NSMAF: variants seen among roughly 807,000 people sequenced by gnomAD.
NSMAF encodes neutral sphingomyelinase activation associated factor.
NSMAF carries 90 observed loss-of-function variants against 134.9 expected under a neutral mutation model. That is an observed-to-expected ratio of 0.67 (90% CI 0.56 to 0.79). NSMAF has a LOEUF of 0.79. Among genes scored for constraint, NSMAF ranks in the 30% least tolerant of loss-of-function variants. NSMAF has a pLI of 0.00. For synonymous variants in NSMAF, 358 were observed against 389.6 expected (o/e 0.92, Z 0.96); for missense variants, 1,010 against 1,119.0 (o/e 0.90, Z 1.39).
chr8:58,647,542 G>C (rs73240235), intron 1 of NSMAF, among the ~76,000 whole-genome samples: 9,215 of 152,132 alleles, frequency 0.061, 696 homozygotes, highest in African/African-American at 0.18. Context: ...TTGGATCATG[G>C]GGGTAGATCC....
intron 12 of NSMAF, among the ~76,000 whole-genome samples, 155 bp downstream of exon 12, chr8:58,605,772 C>T (rs538412343): frequency 7.3e-5 from 11 of 150,622 alleles, no homozygotes; most frequent in South Asian, 2.1e-4. Context: ...CCCAGCTACT[C>T]GGGAGGCTGA....
chr8:58,642,932 T>A (rs1191861121), intron 2 of NSMAF, 52 bp downstream of exon 2: 75 of 1,319,590 alleles, frequency 5.7e-5, no homozygotes, highest in Non-Finnish European at 7.9e-5. Flanking sequence ...ACTTTAAAAG[T>A]TCAGATATCA....
rs945586557 is a variant in NSMAF, at chr8:58,630,878, C to T, written c.384+618G>A. Among the ~76,000 whole-genome samples, 3 of 152,172 alleles carry T rather than the reference C, an allele frequency of 2.0e-5. No individual in the cohort carries two copies. In the South Asian group the frequency reaches 6.2e-4, roughly 32 times the overall value. On this transcript the variant is annotated intron_variant, in intron 6 of 30. Coordinates refer to ENST00000038176, the MANE Select transcript of NSMAF (RefSeq NM_003580.4). ...CCACAAATGGTGGCTTTTCCTAATTCACTCGGATGTCATTATAAGGAGCAC... is the reference window on the plus strand; with the variant it reads ...CCACAAATGGTGGCTTTTCCTAATTTACTCGGATGTCATTATAAGGAGCAC...
At chr8:58,605,722 C>CA (rs905286436) in intron 12 of NSMAF, among the ~76,000 whole-genome samples, 100 of 151,042 alleles carry the variant, frequency 6.6e-4, no homozygotes, top group African/African-American at 2.2e-3. Flanking sequence ...ACTAAAAATA[C>CA]AAAAAAAATT....
In NSMAF at chr8:58,635,302, T is replaced by C. The variant is rs1807145203; in HGVS notation, c.296+3A>G. On this transcript the variant is annotated splice_donor_region_variant and intron_variant, in intron 4 of 30. Coordinates refer to ENST00000038176, the MANE Select transcript of NSMAF (RefSeq NM_003580.4). The stretch of plus-strand genomic sequence containing the variant: ...AAATTAAACAGTGGTGAAAATGACA[T>C]ACTTTGTGAAGTGTCTATTGGCTCC... The C allele has an allele frequency of 1.9e-6, 3 of 1,610,814 alleles. No homozygotes were observed. The highest frequency in any genetic ancestry group is 2.5e-6 in the Non-Finnish European group (3 of 1,178,340).
At chr8:58,605,672 G>T (rs1806388693) in intron 12 of NSMAF, among the ~76,000 whole-genome samples, 1 of 151,860 alleles carries the variant, frequency 6.6e-6, no homozygotes, top group African/African-American at 2.4e-5. Context: ...CAGATCCTTA[G>T]GAGTTGAACT....
Position 58,599,293 on chromosome 8 carries a change from C to G in NSMAF, c.1524G>C (p.Glu508Asp), listed in dbSNP as rs1806217618. The change falls in exon 19 of 31, where the codon GAG (glutamate) becomes GAC (aspartate). Residue 508 changes from glutamate (E) to aspartate (D), a missense_variant. By Grantham distance (45) the Glu-to-Asp change is conservative (BLOSUM62 2). Coordinates refer to ENST00000038176, the MANE Select transcript of NSMAF (RefSeq NM_003580.4). ...ESNYVSEHLH[E>D]WIDLIFGYKQ... The stretch of plus-strand genomic sequence containing the variant: ...TGTAGCCAAATATTAGATCAATCCA[C>G]TCGTGAAGGTGTTCAGACACATAAT... 1.2e-6 allele frequency: 2 copies of G among 1,614,004 alleles called. No homozygotes were observed. Among genetic ancestry groups the G allele is most frequent in the South Asian group, 2.2e-5 (2 of 91,080 alleles).
chr8:58,603,292 G>A lies in NSMAF; in HGVS notation c.963C>T (p.Asn321=). 6.2e-7 allele frequency: 1 copy of A among 1,614,214 alleles called. No homozygotes were observed. The highest frequency in any genetic ancestry group is 8.5e-7 in the Non-Finnish European group (1 of 1,180,042). ...SNYQYLLHLN[N]LADRSCNDLS... ...GGTCGTTGCAGCTGCGGTCGGCCAG[G>A]TTGTTGAGGTGAAGGAGGTACTGAT... Residue 321 remains asparagine (N), a synonymous_variant, in exon 13 of 31, where the codon AAC becomes AAT. Transcript: ENST00000038176.
At chr8:58,651,070 C>T (rs557653284) in intron 1 of NSMAF, among the ~76,000 whole-genome samples, 1 of 152,310 alleles carries the variant, frequency 6.6e-6, no homozygotes, top group South Asian at 2.1e-4. Context: ...ACATTCAGAG[C>T]CCACTGCCTC....
At position 58,607,048 on chromosome 8, in the gene NSMAF, A is replaced by C. The variant is rs936187849; in HGVS notation, c.759+721T>G. ...GCCTTTTAAGTAAAATAGGAAGCAA[A>C]ACAGTAGAATTTCACAAATTAAAAG... On this transcript the variant is annotated intron_variant, in intron 11 of 30. Transcript: ENST00000038176. 2.6e-5 allele frequency among the ~76,000 whole-genome samples: 4 copies of C among 152,328 alleles called. No homozygotes were observed. In the East Asian group the frequency reaches 7.7e-4, roughly 29 times the overall value.
chr8:58,597,816 T>G, intron 20 of NSMAF, 44 bp downstream of exon 20: 1 of 1,302,598 alleles, frequency 7.7e-7, no homozygotes, highest in Non-Finnish European at 1.1e-6. Flanking sequence ...GATAAAGACA[T>G]ATCTTATAAC....
intron 6 of NSMAF, among the ~76,000 whole-genome samples, chr8:58,627,027 T>C (rs756068813): frequency 1.4e-4 from 22 of 152,216 alleles, no homozygotes; most frequent in Admixed American, 5.9e-4. Context: ...TGTCTATTCA[T>C]GTTCTTTGCC....
At chr8:58,603,531 C>T in intron 12 of NSMAF, 145 bp from the exon 13 acceptor site, 1 of 691,544 alleles carries the variant, frequency 1.4e-6, no homozygotes, top group Non-Finnish European at 2.4e-6. Context: ...GACTTGTTTT[C>T]ATAAAGTATT....
chr8:58,599,648 T>C, intron 18 of NSMAF, 102 bp downstream of exon 18: 1 of 1,318,400 alleles, frequency 7.6e-7, no homozygotes, highest in Non-Finnish European at 1.1e-6. Flanking sequence ...ATTTAGAGAA[T>C]TATATTGTGA....
intron 13 of NSMAF, 88 bp from the exon 14 acceptor site, chr8:58,602,225 CA>C: frequency 9.6e-7 from 1 of 1,040,796 alleles, no homozygotes; most frequent in South Asian, 1.6e-5. Flanking sequence ...TTTACTTCCA[CA>C]AAAGTTTTTT....
chr8:58,655,264 A>C (rs1449471976), intron 1 of NSMAF, among the ~76,000 whole-genome samples: 2 of 152,210 alleles, frequency 1.3e-5, no homozygotes, highest in African/African-American at 4.8e-5. Flanking sequence ...AAGCCATGGC[A>C]CCTAGGCAAG....
chr8:58,643,193 G>C, intron 1 of NSMAF, 120 bp from the exon 2 acceptor site: 1 of 744,958 alleles, frequency 1.3e-6, no homozygotes, highest in Admixed American at 2.2e-5. Flanking sequence ...AAACATTTAT[G>C]AAGCATGTAT....
chr8:58,646,052 T>A (rs1304479579), intron 1 of NSMAF, among the ~76,000 whole-genome samples: 1 of 151,264 alleles, frequency 6.6e-6, no homozygotes, highest in African/African-American at 2.4e-5. Context: ...AAAATCATCA[T>A]CATCATCATC....
At chr8:58,655,689 C>T (rs549750521) in intron 1 of NSMAF, among the ~76,000 whole-genome samples, 3 of 152,066 alleles carry the variant, frequency 2.0e-5, no homozygotes, top group Admixed American at 6.5e-5. Flanking sequence ...GGGCGGATCA[C>T]GAGGACAGGA....
Sources: allele counts gnomAD v4.1 joint callset (sites outside exome capture counted in the v4.1 genomes callset), GRCh38; gene constraint gnomAD v4.1.1; transcripts MANE v1.5; gene names NCBI Gene and HGNC (gene_info 2026-07-23, HGNC 2026-07-21).